SEMA4F: variants seen among roughly 807,000 people sequenced by gnomAD.
SEMA4F encodes the protein semaphorin-4F.
Under a neutral mutation model 78.4 loss-of-function variants are expected in SEMA4F, and 51 were observed. That is an observed-to-expected ratio of 0.65 (90% confidence interval 0.52 to 0.82). The LOEUF is 0.82. Among genes scored for constraint, SEMA4F ranks in the 40% least tolerant of loss-of-function variants. SEMA4F has a pLI of 0.00. For synonymous variants in SEMA4F, 418 were observed against 408.7 expected (o/e 1.02, Z -0.27); for missense variants, 938 against 1,014.4 (o/e 0.92, Z 1.02).
rs749126594 is a variant in SEMA4F at position 74,679,763 on chromosome 2, A to G, written c.1867A>G (p.Met623Val). ...GGAGGTGGTGGTGACCCCAGGGGCC[A>G]TGGGCGCTTATGCCTGTGAATGTCA... ...GLEVVVTPGAMGAYACECQEG... is the reference protein window; with the variant it reads ...GLEVVVTPGAVGAYACECQEG... Residue 623 changes from methionine (M) to valine (V), a missense_variant, in exon 14 of 14, where the codon ATG (methionine) becomes GTG (valine). Met to Val is a conservative substitution (Grantham distance 21). Coordinates refer to ENST00000357877, the MANE Select transcript of SEMA4F (RefSeq NM_004263.5). 91 of 1,614,018 alleles carry G rather than the reference A, an allele frequency of 5.6e-5. No homozygotes were observed. The highest frequency in any genetic ancestry group is 1.1e-5 in the South Asian group (1 of 91,092).
the SEMA4F span, among the ~76,000 whole-genome samples, chr2:74,691,919 C>T: frequency 3.3e-5 from 5 of 152,096 alleles, no homozygotes; most frequent in African/African-American, 7.2e-5. Context: ...ATATATGGCT[C>T]GGTCACTCCA....
intron 3 of SEMA4F, 45 bp from the exon 4 acceptor site, chr2:74,657,808 C>T (rs529901030): frequency 1.2e-5 from 19 of 1,569,304 alleles, no homozygotes; most frequent in East Asian, 9.0e-5. Flanking sequence ...TACCCTTCCT[C>T]GTACCTGCTG....
chr2:74,673,220 A>G (rs1422153822), intron 5 of SEMA4F, among the ~76,000 whole-genome samples: 1 of 152,158 alleles, frequency 6.6e-6, no homozygotes, highest in Non-Finnish European at 1.5e-5. Context: ...TCTCATACAC[A>G]TGGACATTTC....
chr2:74,661,530 A>G (rs1471866389), intron 4 of SEMA4F, among the ~76,000 whole-genome samples: 8 of 152,212 alleles, frequency 5.3e-5, no homozygotes, highest in Non-Finnish European at 1.5e-5. Flanking sequence ...GTGCCCAACC[A>G]TCTTGTTAAT....
rs1292661690 is a variant in SEMA4F, at chr2:74,682,703, C to T, written c.*2494C>T. The T allele has an allele frequency of 6.6e-6, 1 of 152,286 alleles. No homozygotes were observed. Among genetic ancestry groups the T allele is most frequent in the Non-Finnish European group, 1.5e-5 (1 of 68,146 alleles). The allele number at this position is 152,286 out of a possible 1,614,324, so 9.4% of individuals were successfully genotyped here. A position where few individuals can be genotyped will look rare whatever the true frequency, so the allele number is the denominator to read the frequency against. On this transcript the variant is annotated 3_prime_UTR_variant, in exon 14 of 14. Transcript: ENST00000357877. The stretch of plus-strand genomic sequence containing the variant: ...CTCACTTGAGGTTGTGGCCTAGTTC[C>T]TCTTTGGGGGAGGGAGGAAGGTGGG...
chr2:74,666,772 C>T (rs976780541), intron 5 of SEMA4F, among the ~76,000 whole-genome samples: 23 of 152,088 alleles, frequency 1.5e-4, no homozygotes, highest in African/African-American at 5.1e-4. Flanking sequence ...CAATTAGGTT[C>T]TGTAAAAATG....
the SEMA4F span, among the ~76,000 whole-genome samples, chr2:74,691,432 G>T: frequency 6.6e-6 from 1 of 152,204 alleles, no homozygotes; most frequent in Non-Finnish European, 1.5e-5. Context: ...GCATGCTGAA[G>T]GTGACTCATG....
the SEMA4F span, among the ~76,000 whole-genome samples, chr2:74,691,680 A>G: frequency 1.3e-5 from 2 of 152,204 alleles, no homozygotes; most frequent in African/African-American, 2.4e-5. Flanking sequence ...TAACCAAGCT[A>G]GGTAGAAATG....
chr2:74,668,582 G>A (rs595763), intron 5 of SEMA4F, among the ~76,000 whole-genome samples: 2 of 150,396 alleles, frequency 1.3e-5, no homozygotes, highest in Non-Finnish European at 3.0e-5. Context: ...AGTGGAAGAA[G>A]AAAGGCCAAG....
chr2:74,692,358 G>T, the SEMA4F span, among the ~76,000 whole-genome samples: 1 of 152,186 alleles, frequency 6.6e-6, no homozygotes, highest in African/African-American at 2.4e-5. Context: ...GAAATACAAG[G>T]CAGGGACCCA....
chr2:74,677,548 C>T (rs1685364053), intron 12 of SEMA4F, among the ~76,000 whole-genome samples: 1 of 152,170 alleles, frequency 6.6e-6, no homozygotes, highest in Non-Finnish European at 1.5e-5. Flanking sequence ...AAGTTTATGT[C>T]AGTATCCAAA....
chr2:74,674,897 T>A lies in SEMA4F; in HGVS notation c.1011T>A (p.Ala337=). The change falls in exon 9 of 14, where the codon GCT becomes GCA. Residue 337 remains alanine, a synonymous_variant. Coordinates refer to ENST00000357877, the MANE Select transcript of SEMA4F (RefSeq NM_004263.5). ...AACCTGTGAATTCCAGGGAGGGGGC[T>A]ACTATCTCTGCTGTCTGTGCCTTCC... is the stretch of plus-strand genomic sequence containing the variant. ...YGIFSSQWEG[A]TISAVCAFRP... 6.2e-6 allele frequency: 10 copies of A among 1,613,966 alleles called. No individual in the cohort carries two copies. Among genetic ancestry groups the A allele is most frequent in the Non-Finnish European group, 8.5e-6 (10 of 1,179,984 alleles).
chr2:74,668,475 A>T (rs11884103), intron 5 of SEMA4F, among the ~76,000 whole-genome samples: 10,339 of 152,034 alleles, frequency 0.068, 1,099 homozygotes, highest in African/African-American at 0.23. Flanking sequence ...TTTTTTTTTT[A>T]AAAAATATCC....
At chr2:74,669,523 T>G (rs1684867232) in intron 5 of SEMA4F, among the ~76,000 whole-genome samples, 1 of 151,194 alleles carries the variant, frequency 6.6e-6, no homozygotes, top group South Asian at 2.1e-4. Flanking sequence ...AGGCGGAGAT[T>G]ACAGTGAGCC....
chr2:74,680,446 T>G lies in SEMA4F; in HGVS notation c.*237T>G, dbSNP rs1685555071. ...ACTGCTTTCTGCAGCAAATCAGGGC[T>G]TCCCCCTAACATCTGAACTCCTGTA... On this transcript the variant is annotated 3_prime_UTR_variant, in exon 14 of 14. Transcript: ENST00000357877. 1 of 464,608 alleles carries G rather than the reference T, an allele frequency of 2.2e-6. No individual in the cohort carries two copies. The highest frequency in any genetic ancestry group is 2.0e-5 in the African/African-American group (1 of 51,212). 28.8% of individuals were successfully genotyped at this position (464,608 alleles called of 1,614,324 possible).
intron 1 of SEMA4F, 95 bp from the exon 2 acceptor site, chr2:74,656,439 T>C (rs1684139507): frequency 7.7e-7 from 1 of 1,301,242 alleles, no homozygotes; most frequent in African/African-American, 1.5e-5. Context: ...AAATGGTACT[T>C]GGAAGAAAAC....
intron 2 of SEMA4F, 85 bp downstream of exon 2, chr2:74,656,770 T>C (rs989282860): frequency 1.4e-6 from 2 of 1,414,354 alleles, no homozygotes; most frequent in Non-Finnish European, 1.9e-6. Flanking sequence ...GGGGATTTCA[T>C]AATAACTAAA....
intron 13 of SEMA4F, 80 bp from the exon 14 acceptor site, chr2:74,679,519 C>T (rs916526189): frequency 2.1e-5 from 33 of 1,537,722 alleles, no homozygotes; most frequent in African/African-American, 6.9e-5. Flanking sequence ...TTTTCATGTC[C>T]GACATCACCC....
chr2:74,674,895 G>T lies in SEMA4F; in HGVS notation c.1009G>T (p.Ala337Ser), dbSNP rs146041751. 6.2e-7 allele frequency: 1 copy of T among 1,613,772 alleles called. No individual in the cohort carries two copies. Among genetic ancestry groups the T allele is most frequent in the Non-Finnish European group, 8.5e-7 (1 of 1,179,984 alleles). ...CCAACCTGTGAATTCCAGGGAGGGG[G>T]CTACTATCTCTGCTGTCTGTGCCTT... ...YGIFSSQWEGATISAVCAFRP... is the reference protein window; with the variant it reads ...YGIFSSQWEGSTISAVCAFRP... The change falls in exon 9 of 14, where the codon GCT becomes TCT. Residue 337 changes from alanine (A) to serine (S), a missense_variant. Coordinates refer to ENST00000357877, the MANE Select transcript of SEMA4F (RefSeq NM_004263.5).
Sources: gnomAD v4.1 joint callset for allele counts (sites outside exome capture counted in the v4.1 genomes callset) on GRCh38, gnomAD v4.1.1 for gene constraint, MANE v1.5 for transcripts, NCBI Gene and HGNC (gene_info 2026-07-23, HGNC 2026-07-21) for gene names.